Variants in TBCCD1 observed in about 807,000 individuals in gnomAD.
The protein encoded by TBCCD1 is TBCC domain-containing protein 1.
In TBCCD1, 26 loss-of-function variants were observed where a neutral mutation model predicts 53.4. That is an observed-to-expected ratio of 0.49 (90% CI 0.36 to 0.68). TBCCD1 has a LOEUF of 0.68. Ranked by LOEUF, TBCCD1 falls within the 30% of genes least tolerant of loss-of-function variation. The pLI is 0.00. For synonymous variants in TBCCD1, 245 were observed against 241.7 expected (o/e 1.01, Z -0.13); for missense variants, 558 against 669.5 (o/e 0.83, Z 1.84).
intron 1 of TBCCD1, among the ~76,000 whole-genome samples, chr3:186,565,109 CTTTTTTTTT>C (rs370017010): frequency 8.0e-6 from 1 of 124,764 alleles, no homozygotes; most frequent in Non-Finnish European, 1.7e-5. Flanking sequence ...TCTTCTTCTT[CTTTTTTTTT>C]TTTTTTTTTT....
At chr3:186,568,914 AGAAATAAAG>A (rs368796670), upstream of TBCCD1, among the ~76,000 whole-genome samples, 1 of 146,916 alleles carries the variant, frequency 6.8e-6, no homozygotes, top group Non-Finnish European at 1.5e-5. Context: ...GGAAAAAAAA[AGAAATAAAG>A]AAAAGAAAAC....
intron 7 of TBCCD1, among the ~76,000 whole-genome samples, chr3:186,547,165 T>C (rs760124603): frequency 1.2e-4 from 18 of 152,090 alleles, no homozygotes; most frequent in Non-Finnish European, 1.9e-4. Context: ...CATACATGAA[T>C]GTAAAAAATT....
At chr3:186,562,292 C>G (rs994219413) in intron 2 of TBCCD1, among the ~76,000 whole-genome samples, 2 of 152,204 alleles carry the variant, frequency 1.3e-5, no homozygotes, top group Non-Finnish European at 2.9e-5. Flanking sequence ...CTATAGTGAG[C>G]TATGATTACA....
Position 186,556,530 on chromosome 3 carries a change from C to A in TBCCD1, c.738G>T (p.Lys246Asn). 6.2e-7 allele frequency: 1 copy of A among 1,613,026 alleles called. No individual in the cohort carries two copies. The highest frequency in any genetic ancestry group is 2.2e-5 in the East Asian group (1 of 44,874). The change falls in exon 4 of 8, where the codon AAG (lysine) becomes AAT (asparagine). Residue 246 changes from lysine to asparagine, a missense_variant. Coordinates refer to ENST00000338733, the MANE Select transcript of TBCCD1 (RefSeq NM_018138.5). ...QPLHADSGFSKISKTFSFYKL... is the reference protein window; with the variant it reads ...QPLHADSGFSNISKTFSFYKL... ...TGTAGAAAGAGAAAGTCTTAGAGATCTTTGAGAAGCCACTATCTGCATGCA... is the reference window on the plus strand; with the variant it reads ...TGTAGAAAGAGAAAGTCTTAGAGATATTTGAGAAGCCACTATCTGCATGCA...
At position 186,553,690 on chromosome 3, in the gene TBCCD1, G is replaced by A. The variant is rs190552450; in HGVS notation, c.1544+564C>T. 171 of 159,632 alleles carry A rather than the reference G, an allele frequency of 1.1e-3. 2 individuals carry two copies. The highest frequency in any genetic ancestry group is 3.8e-3 in the African/African-American group (158 of 41,602). The allele number at this position is 159,632 out of a possible 1,614,324, so 9.9% of individuals were successfully genotyped here. A position where few individuals can be genotyped will look rare whatever the true frequency, so the allele number is the denominator to read the frequency against. On this transcript the variant is annotated intron_variant, in intron 6 of 7. Coordinates refer to ENST00000338733, the MANE Select transcript of TBCCD1 (RefSeq NM_018138.5). ...TATTGGATTATGTGGCATACTCTAT[G>A]TATGATTTTTTAAATTCATGTAAGT...
chr3:186,563,695 A>G lies in TBCCD1; in HGVS notation c.336+299T>C, dbSNP rs184075177. 5.9e-4 allele frequency among the ~76,000 whole-genome samples: 90 copies of G among 152,326 alleles called. 1 individual carries two copies. The highest frequency in any genetic ancestry group is 2.1e-3 in the African/African-American group (86 of 41,576). ...ATACTGCCAAACTGGAACTACTAAA[A>G]CTCAAATGATAACTTGAGATTACAA... On this transcript the variant is annotated intron_variant, in intron 2 of 7. Coordinates refer to ENST00000338733, the MANE Select transcript of TBCCD1 (RefSeq NM_018138.5).
At chr3:186,555,920 T>G (rs1560225842) in intron 4 of TBCCD1, among the ~76,000 whole-genome samples, 1 of 151,970 alleles carries the variant, frequency 6.6e-6, no homozygotes, top group Admixed American at 6.6e-5. Context: ...ACACAGTGTG[T>G]TGCACAAACT....
intron 7 of TBCCD1, 33 bp downstream of exon 7, chr3:186,551,096 A>G (rs1309578975): frequency 7.6e-6 from 12 of 1,572,592 alleles, no homozygotes; most frequent in Non-Finnish European, 9.4e-6. Flanking sequence ...GATTTCCCCA[A>G]AAGAATCTGT....
At chr3:186,566,674 A>T (rs1714841452) in intron 1 of TBCCD1, among the ~76,000 whole-genome samples, 1 of 152,220 alleles carries the variant, frequency 6.6e-6, no homozygotes, top group South Asian at 2.1e-4. Flanking sequence ...GTGGATCCAG[A>T]AGAGAATTTC....
chr3:186,554,433 T>C lies in TBCCD1; in HGVS notation c.1365A>G (p.Thr455=). ...AAGGTGGTAAAAGCTGGAAGACTCT[T>C]GTGTCGCTGTTCTCTCTGCACACAA... ...PMVVCRENSD[T]RVFQLLPPCE... is the part of the protein sequence containing the mutation. Residue 455 remains threonine, a synonymous_variant, in exon 6 of 8, where the codon ACA becomes ACG. Transcript: ENST00000338733. 1.9e-6 allele frequency: 3 copies of C among 1,614,246 alleles called. No homozygotes were observed. Among genetic ancestry groups the C allele is most frequent in the Non-Finnish European group, 2.5e-6 (3 of 1,180,040 alleles).
chr3:186,564,934 T>G (rs1264655867), intron 1 of TBCCD1, among the ~76,000 whole-genome samples: 3 of 152,188 alleles, frequency 2.0e-5, no homozygotes. Context: ...GTGAACCCAC[T>G]CTAGCATATT....
At chr3:186,563,963 T>C (rs1299452796) in intron 2 of TBCCD1, 31 bp downstream of exon 2, 2 of 1,515,582 alleles carry the variant, frequency 1.3e-6, no homozygotes, top group Non-Finnish European at 1.8e-6. Context: ...TTTCCAAAAG[T>C]AATTAAGTAT....
intron 4 of TBCCD1, 117 bp from the exon 5 acceptor site, chr3:186,555,201 G>T: frequency 1.1e-6 from 1 of 911,046 alleles, no homozygotes; most frequent in Non-Finnish European, 1.6e-6. Flanking sequence ...CACATGTAGG[G>T]ACAAAAACGT....
chr3:186,562,741 T>C (rs982619171), intron 2 of TBCCD1, among the ~76,000 whole-genome samples: 1 of 148,320 alleles, frequency 6.7e-6, no homozygotes, highest in Admixed American at 6.7e-5. Flanking sequence ...GGGGAACCTA[T>C]GGGGGGTGAT....
At chr3:186,559,743 T>A (rs2108461330) in intron 2 of TBCCD1, among the ~76,000 whole-genome samples, 1 of 152,334 alleles carries the variant, frequency 6.6e-6, no homozygotes, top group East Asian at 1.9e-4. Flanking sequence ...CTGAGATAAC[T>A]GTAGATTGAG....
intron 6 of TBCCD1, among the ~76,000 whole-genome samples, chr3:186,552,676 CA>C (rs1018659252): frequency 6.6e-6 from 1 of 152,184 alleles, no homozygotes; most frequent in Admixed American, 6.5e-5. Context: ...AACTCTCCCC[CA>C]AATCATTAAC....
chr3:186,556,270 A>T, intron 4 of TBCCD1, 139 bp downstream of exon 4: 1 of 903,478 alleles, frequency 1.1e-6, no homozygotes. Context: ...CACAAAAGAC[A>T]GATGTTCCTT....
At chr3:186,548,839 A>G (rs1243066975) in intron 7 of TBCCD1, among the ~76,000 whole-genome samples, 7 of 152,212 alleles carry the variant, frequency 4.6e-5, no homozygotes, top group Admixed American at 4.6e-4. Flanking sequence ...GAAAAAAACA[A>G]AGAGAGTAGA....
At chr3:186,561,830 TAA>T (rs1237259487) in intron 2 of TBCCD1, among the ~76,000 whole-genome samples, 1 of 151,642 alleles carries the variant, frequency 6.6e-6, no homozygotes, top group Non-Finnish European at 1.5e-5. Context: ...TCTCAAAAAA[TAA>T]AAAAGAGAAC....
Sources: allele counts gnomAD v4.1 joint callset (sites outside exome capture counted in the v4.1 genomes callset), GRCh38; gene constraint gnomAD v4.1.1; transcripts MANE v1.5; gene names NCBI Gene and HGNC (gene_info 2026-07-23, HGNC 2026-07-21).